NEXMIF: variants seen among roughly 807,000 people sequenced by gnomAD.
NEXMIF encodes the protein neurite extension and migration factor, also known as XLMR protein related to neurite extension.
Under a neutral mutation model 62.1 loss-of-function variants are expected in NEXMIF, and 8 were observed. The observed-to-expected ratio is 0.13, with a 90% CI of 0.08 to 0.23. The LOEUF (loss-of-function observed/expected upper bound fraction) is 0.23. Ranked by LOEUF, NEXMIF falls within the 10% of genes least tolerant of loss-of-function variation. The probability of loss-of-function intolerance (pLI) is 1.00; values close to 1 mark genes in which losing one functional copy is unlikely to be tolerated. For missense variants in NEXMIF, 976 were observed against 1,113.3 expected, an observed-to-expected ratio of 0.88 and a Z score of 1.75; for synonymous variants, 404 against 416.6, an observed-to-expected ratio of 0.97 and a Z score of 0.37.
intron 1 of NEXMIF, among the ~76,000 whole-genome samples, chrX:74,789,995 C>A (rs1468071084): frequency 1.0e-5 from 1 of 99,484 alleles, no homozygotes; most frequent in African/African-American, 3.5e-5. Flanking sequence ...TCCCATTTGT[C>A]AATTTTGGCT....
chrX:74,737,723 G>A lies in NEXMIF; in HGVS notation c.*1682C>T, dbSNP rs2080089181. 1.8e-5 allele frequency: 2 copies of A among 111,274 alleles called. No homozygotes were observed. Among genetic ancestry groups the A allele is most frequent in the South Asian group, 7.7e-4 (2 of 2,614 alleles). The allele number at this position is 111,274 out of a possible 1,213,427, so 9.2% of individuals were successfully genotyped here. Reference sequence around the variant, plus strand: ...CTTCTCTGTTTGTGAATACATTTAGGTGGCATTGACTAGGTAGGTTCATAT... The same window carrying A: ...CTTCTCTGTTTGTGAATACATTTAGATGGCATTGACTAGGTAGGTTCATAT... On this transcript the variant is annotated 3_prime_UTR_variant, in exon 4 of 4. Coordinates refer to ENST00000055682, the MANE Select transcript of NEXMIF (RefSeq NM_001008537.3).
At chrX:74,750,774 T>G (rs1426198173) in intron 1 of NEXMIF, among the ~76,000 whole-genome samples, 1 of 111,713 alleles carries the variant, frequency 9.0e-6, no homozygotes, top group African/African-American at 3.3e-5. Context: ...TGATGTTAAG[T>G]ACAGGAAACA....
intron 1 of NEXMIF, among the ~76,000 whole-genome samples, chrX:74,906,343 A>G (rs1004744971): frequency 2.7e-5 from 3 of 110,819 alleles, no homozygotes; most frequent in Non-Finnish European, 5.7e-5. Flanking sequence ...GGGATAAGAT[A>G]GAAGCTCTGG....
rs188044077 is a variant in NEXMIF at position 74,900,188 on chromosome X, G to A, written c.-48+24695C>T. 4.5e-5 allele frequency among the ~76,000 whole-genome samples: 5 copies of A among 111,336 alleles called. No homozygotes were observed. The East Asian group carries it at 1.4e-3, about 32-fold the overall frequency. On this transcript the variant is annotated intron_variant, in intron 1 of 3. Transcript: ENST00000055682. ...GGCTACTATTGAAAAAACAGGGCCA[G>A]GCGCGGTGGCTCACGCCTGTAATCC...
intron 1 of NEXMIF, among the ~76,000 whole-genome samples, chrX:74,774,521 C>A (rs2080222894): frequency 8.9e-6 from 1 of 111,928 alleles, no homozygotes; most frequent in African/African-American, 3.2e-5. Context: ...TTCTGTGGAT[C>A]ATGCATTCTG....
chrX:74,872,844 A>T (rs1388926244), intron 1 of NEXMIF, among the ~76,000 whole-genome samples: 1 of 110,374 alleles, frequency 9.1e-6, no homozygotes. Flanking sequence ...ACAATTTTTT[A>T]AAAATATTAT....
chrX:74,851,195 T>A (rs1030705606), intron 1 of NEXMIF, among the ~76,000 whole-genome samples: 1 of 111,041 alleles, frequency 9.0e-6, no homozygotes, highest in East Asian at 2.8e-4. Context: ...AAATAATTTT[T>A]AAAAATGAAC....
intron 2 of NEXMIF, 151 bp from the exon 3 acceptor site, chrX:74,744,628 G>A (rs1292192436): frequency 5.3e-6 from 2 of 376,147 alleles, no homozygotes; most frequent in Admixed American, 4.6e-5. Context: ...AAACTACAAC[G>A]TTAAAGAACA....
intron 1 of NEXMIF, among the ~76,000 whole-genome samples, chrX:74,866,296 T>C (rs887780187): frequency 1.8e-5 from 2 of 111,490 alleles, no homozygotes; most frequent in Middle Eastern, 4.6e-3. Flanking sequence ...TGGACTTCCA[T>C]AGAGCCTGCA....
At chrX:74,814,685 A>G (rs961709892) in intron 1 of NEXMIF, among the ~76,000 whole-genome samples, 1 of 112,637 alleles carries the variant, frequency 8.9e-6, no homozygotes, top group Admixed American at 9.4e-5. Flanking sequence ...TATACAACTA[A>G]AAATATAATT....
chrX:74,807,687 T>G (rs977945642), intron 1 of NEXMIF, among the ~76,000 whole-genome samples: 7 of 111,721 alleles, frequency 6.3e-5, no homozygotes, highest in African/African-American at 2.3e-4. Context: ...GGTCTTGAAC[T>G]CCTGGCCTCA....
intron 1 of NEXMIF, among the ~76,000 whole-genome samples, chrX:74,895,013 A>C (rs756455947): frequency 8.0e-5 from 9 of 112,452 alleles, no homozygotes; most frequent in Non-Finnish European, 1.3e-4. Flanking sequence ...GGGCATCCAA[A>C]TTGGAAAGGA....
intron 1 of NEXMIF, among the ~76,000 whole-genome samples, chrX:74,800,148 G>C (rs1360345910): frequency 9.0e-6 from 1 of 111,447 alleles, no homozygotes; most frequent in Admixed American, 9.5e-5. Flanking sequence ...AATGTCAAAA[G>C]ACTGAAACTA....
chrX:74,835,068 G>T (rs774413944), intron 1 of NEXMIF, among the ~76,000 whole-genome samples: 12 of 111,613 alleles, frequency 1.1e-4, no homozygotes, highest in Non-Finnish European at 2.1e-4. Context: ...TCTTGTGCTC[G>T]ATCAGTTCTG....
Position 74,896,105 on chromosome X carries a change from C to T in NEXMIF, c.-48+28778G>A, listed in dbSNP as rs1248195321. On this transcript the variant is annotated intron_variant, in intron 1 of 3. Coordinates refer to ENST00000055682, the MANE Select transcript of NEXMIF (RefSeq NM_001008537.3). ...TGCTTCCTAGGTTCTTCTGTCAACTCTCCATCTCAGAGATCCAGAAAGTAT... is the reference window on the plus strand; with the variant it reads ...TGCTTCCTAGGTTCTTCTGTCAACTTTCCATCTCAGAGATCCAGAAAGTAT... Among the ~76,000 whole-genome samples the T allele has an allele frequency of 3.6e-5, 4 of 111,293 alleles. No individual in the cohort carries two copies. In the East Asian group the frequency reaches 1.1e-3, roughly 31 times the overall value.
At chrX:74,904,856 G>GA (rs2080761752) in intron 1 of NEXMIF, among the ~76,000 whole-genome samples, 1 of 110,821 alleles carries the variant, frequency 9.0e-6, no homozygotes, top group Non-Finnish European at 1.9e-5. Flanking sequence ...CTACTTCATG[G>GA]AATGGGGTAA....
At chrX:74,903,333 C>CACACAA (rs1450376887) in intron 1 of NEXMIF, among the ~76,000 whole-genome samples, 2 of 81,503 alleles carry the variant, frequency 2.5e-5, no homozygotes, top group African/African-American at 1.1e-4. Flanking sequence ...CATACACACA[C>CACACAA]ACACACACAC....
chrX:74,831,657 T>G (rs1412074872), intron 1 of NEXMIF, among the ~76,000 whole-genome samples: 1 of 111,172 alleles, frequency 9.0e-6, no homozygotes, highest in Non-Finnish European at 1.9e-5. Context: ...TAAACATACG[T>G]GTGCATGTGT....
At chrX:74,861,573 A>T (rs1232804066) in intron 1 of NEXMIF, among the ~76,000 whole-genome samples, 1 of 111,669 alleles carries the variant, frequency 9.0e-6, no homozygotes, top group East Asian at 2.8e-4. Flanking sequence ...AAATGAAAAC[A>T]AATGTTAAGG....
Sources: gnomAD v4.1 joint callset for allele counts (sites outside exome capture counted in the v4.1 genomes callset) on GRCh38, gnomAD v4.1.1 for gene constraint, MANE v1.5 for transcripts, NCBI Gene and HGNC (gene_info 2026-07-23, HGNC 2026-07-21) for gene names.